Variants in KIF13B observed in about 807,000 individuals in gnomAD.
The protein encoded by KIF13B is kinesin-like protein KIF13B.
A neutral mutation model predicts 222.0 loss-of-function variants in KIF13B; 127 were observed. That is an observed-to-expected ratio of 0.57 (90% CI 0.50 to 0.66). The LOEUF is 0.66. Ranked by LOEUF, KIF13B falls within the 30% of genes least tolerant of loss-of-function variation. The pLI is 0.00. For missense variants in KIF13B, 2,173 were observed against 2,379.0 expected (o/e 0.91, Z 1.80); for synonymous variants, 976 against 919.0 (o/e 1.06, Z -1.12).
In KIF13B at chr8:29,134,246, G is replaced by A. The variant is rs1162486891; in HGVS notation, c.2614-36C>T. 5 of 1,601,892 alleles carry A rather than the reference G, an allele frequency of 3.1e-6. No individual in the cohort carries two copies. In the Admixed American group the frequency reaches 8.5e-5, roughly 27 times the overall value. Reference sequence around the variant, plus strand: ...AAGAAGGCTCTGTGTTTTGAAATCTGAGGGTTCCAACAAGCATTCAGAGTT... The same window carrying A: ...AAGAAGGCTCTGTGTTTTGAAATCTAAGGGTTCCAACAAGCATTCAGAGTT... On this transcript the variant is annotated intron_variant, in intron 21 of 39. Coordinates refer to ENST00000524189, the MANE Select transcript of KIF13B (RefSeq NM_015254.4).
At chr8:29,191,192 G>A in intron 3 of KIF13B, 135 bp from the exon 4 acceptor site, 2 of 644,584 alleles carry the variant, frequency 3.1e-6, no homozygotes, top group Non-Finnish European at 5.4e-6. Context: ...GTATGTAGAG[G>A]CTTACAATGA....
intron 2 of KIF13B, among the ~76,000 whole-genome samples, chr8:29,210,883 C>A (rs1236217107): frequency 6.6e-6 from 1 of 152,216 alleles, no homozygotes; most frequent in Non-Finnish European, 1.5e-5. Context: ...ACATGCTAAA[C>A]ACTGCTGCAG....
chr8:29,182,041 A>C (rs1462158478), intron 6 of KIF13B, 35 bp from the exon 7 acceptor site: 1 of 1,536,366 alleles, frequency 6.5e-7, no homozygotes, highest in South Asian at 1.1e-5. Flanking sequence ...ATTTTTTAAC[A>C]ATAGCCTATT....
intron 3 of KIF13B, among the ~76,000 whole-genome samples, chr8:29,191,527 G>T (rs1018665414): frequency 2.0e-5 from 3 of 151,862 alleles, no homozygotes; most frequent in African/African-American, 7.3e-5. Flanking sequence ...TAGATTTGAG[G>T]GTATAGAAGA....
intron 24 of KIF13B, among the ~76,000 whole-genome samples, chr8:29,129,861 A>C (rs890995133): frequency 6.6e-6 from 1 of 152,130 alleles, no homozygotes; most frequent in African/African-American, 2.4e-5. Context: ...CATCTCTCTT[A>C]ATCCTCACAC....
chr8:29,241,437 A>G (rs1815773131), intron 2 of KIF13B, among the ~76,000 whole-genome samples: 1 of 152,212 alleles, frequency 6.6e-6, no homozygotes, highest in South Asian at 2.1e-4. Context: ...AGGGACATCT[A>G]TTTGGTTCTT....
intron 29 of KIF13B, among the ~76,000 whole-genome samples, chr8:29,120,750 G>A (rs537075083): frequency 1.7e-3 from 5 of 2,928 alleles, no homozygotes; most frequent in South Asian, 0.014. Flanking sequence ...CTGAGGAATC[G>A]CCACACTGAC....
chr8:29,224,671 C>CA (rs57157746), intron 2 of KIF13B, among the ~76,000 whole-genome samples: 19 of 151,742 alleles, frequency 1.3e-4, no homozygotes, highest in Non-Finnish European at 2.2e-4. Context: ...AACCCCCCCC[C>CA]ATTCATTCTA....
At chr8:29,151,953 G>A (rs937341416) in intron 14 of KIF13B, among the ~76,000 whole-genome samples, 6 of 152,140 alleles carry the variant, frequency 3.9e-5, no homozygotes, top group African/African-American at 9.7e-5. Flanking sequence ...GAAAGGATTC[G>A]CCATTCTAAG....
At chr8:29,196,922 T>G (rs1368222423) in intron 2 of KIF13B, among the ~76,000 whole-genome samples, 1 of 152,168 alleles carries the variant, frequency 6.6e-6, no homozygotes, top group Non-Finnish European at 1.5e-5. Flanking sequence ...TGTGGGATGC[T>G]CAACCTGTAC....
At chr8:29,237,012 C>T (rs1258854298) in intron 2 of KIF13B, among the ~76,000 whole-genome samples, 1 of 151,898 alleles carries the variant, frequency 6.6e-6, no homozygotes, top group Non-Finnish European at 1.5e-5. Flanking sequence ...TAAAGATTAA[C>T]CTAACTCTCA....
rs1361116489 is a variant in KIF13B at position 29,127,152 on chromosome 8, G to A, written c.3192C>T (p.Leu1064=). 16 of 1,613,890 alleles carry A rather than the reference G, an allele frequency of 9.9e-6. No homozygotes were observed. The highest frequency in any genetic ancestry group is 1.3e-5 in the Non-Finnish European group (15 of 1,179,888). The change falls in exon 25 of 40, where the codon CTC becomes CTT. Residue 1064 remains leucine (L), a synonymous_variant. Transcript: ENST00000524189. The part of the protein sequence containing the change: ...VGIGCVKVRP[L]RAPRTHETFH... ...AGGTCTCATGTGTTCTGGGGGCTCTGAGCGGTCTAACTTTGACACATCCAA... is the reference window on the plus strand; with the variant it reads ...AGGTCTCATGTGTTCTGGGGGCTCTAAGCGGTCTAACTTTGACACATCCAA...
At position 29,151,636 on chromosome 8, in the gene KIF13B, G is replaced by A. The variant is rs1005161792; in HGVS notation, c.1536-1253C>T. Among the ~76,000 whole-genome samples the A allele has an allele frequency of 4.6e-5, 7 of 152,162 alleles. No individual in the cohort carries two copies. In the East Asian group the frequency reaches 7.7e-4, roughly 17 times the overall value. ...TGGAACAAAGCCTGGATGACAGTAC[G>A]TCTGTTTACATCACAGTTTGCTGAA... On this transcript the variant is annotated intron_variant, in intron 14 of 39. Transcript: ENST00000524189.
At position 29,069,331 on chromosome 8, in the gene KIF13B, G is replaced by A. The variant is rs1807142518; in HGVS notation, c.*1173C>T. 1.3e-5 allele frequency: 2 copies of A among 152,270 alleles called. No homozygotes were observed. Among genetic ancestry groups the A allele is most frequent in the Non-Finnish European group, 1.5e-5 (1 of 68,100 alleles). The allele number at this position is 152,270 out of a possible 1,614,324, so 9.4% of individuals were successfully genotyped here. On this transcript the variant is annotated 3_prime_UTR_variant, in exon 40 of 40. Coordinates refer to ENST00000524189, the MANE Select transcript of KIF13B (RefSeq NM_015254.4). ...GGCCTGGGGGCGTGGCTGCTGTGAGGGTCTGGAGACTAACCAGCACACTCC... is the reference window on the plus strand; with the variant it reads ...GGCCTGGGGGCGTGGCTGCTGTGAGAGTCTGGAGACTAACCAGCACACTCC...
Position 29,244,170 on chromosome 8 carries a change from C to A in KIF13B, c.149+1176G>T, listed in dbSNP as rs936365782. On this transcript the variant is annotated intron_variant, in intron 2 of 39. Transcript: ENST00000524189. ...CTGGGACTACAGGCGCCCGCCATCA[C>A]GCCCGGCTAATTTTTTGTATTTTTA... is the stretch of plus-strand genomic sequence containing the variant. Among the ~76,000 whole-genome samples the A allele has an allele frequency of 6.6e-5, 10 of 152,102 alleles. No homozygotes were observed. In the East Asian group the frequency reaches 1.5e-3, roughly 24 times the overall value.
At position 29,072,162 on chromosome 8, in the gene KIF13B, C is replaced by G; in HGVS notation, c.4676G>C (p.Ser1559Thr). 1 of 1,422,864 alleles carries G rather than the reference C, an allele frequency of 7.0e-7. No homozygotes were observed. The highest frequency in any genetic ancestry group is 9.2e-7 in the Non-Finnish European group (1 of 1,087,876). The allele number at this position is 1,422,864 out of a possible 1,614,324, so 88.1% of individuals were successfully genotyped here. A position where few individuals can be genotyped will look rare whatever the true frequency, so the allele number is the denominator to read the frequency against. ...CCCGCTAGAGGCTTCACTCAGGGGG[C>G]TGGGGGGCCCGTCCTGTGCCTCCGG... ...PAPEAQDGPPSPLSEASSGYF... is the reference protein window; with the variant it reads ...PAPEAQDGPPTPLSEASSGYF... Residue 1559 changes from serine (S) to threonine (T), a missense_variant, in exon 39 of 40, where the codon AGC becomes ACC. Ser to Thr is a moderately conservative substitution (Grantham distance 58). This residue lies in a region of KIF13B where 693 missense variants were observed against 656.2 expected (regional missense o/e 1.06). Transcript: ENST00000524189.
intron 6 of KIF13B, among the ~76,000 whole-genome samples, chr8:29,183,808 G>A (rs987334440): frequency 6.6e-6 from 1 of 152,148 alleles, no homozygotes; most frequent in East Asian, 1.9e-4. Context: ...TTTGGAGAGC[G>A]AGTGCTAGTA....
intron 13 of KIF13B, among the ~76,000 whole-genome samples, chr8:29,160,412 T>C (rs1030298441): frequency 6.6e-6 from 1 of 152,356 alleles, no homozygotes; most frequent in South Asian, 2.1e-4. Flanking sequence ...AAAGCTTTCG[T>C]ATACTTACTA....
At chr8:29,148,845 GT>G in intron 15 of KIF13B, 78 bp from the exon 16 acceptor site, 1 of 1,154,334 alleles carries the variant, frequency 8.7e-7, no homozygotes, top group Non-Finnish European at 1.2e-6. Flanking sequence ...ACTGGTATCT[GT>G]TAGAAGCCAA....
Sources: gnomAD v4.1 joint callset for allele counts (sites outside exome capture counted in the v4.1 genomes callset) on GRCh38, gnomAD v4.1.1 for gene constraint, gnomAD v4.1.1 regional missense constraint, MANE v1.5 for transcripts, NCBI Gene and HGNC (gene_info 2026-07-23, HGNC 2026-07-21) for gene names.